The following VOPP1 variants were observed in gnomAD, a reference collection of about 807,000 sequenced individuals.
VOPP1 encodes WW domain binding protein VOPP1.
Under a neutral mutation model 23.5 loss-of-function variants are expected in VOPP1, and 8 were observed. The ratio of observed to expected loss-of-function variants is 0.34; its 90% CI spans 0.20 to 0.61. The LOEUF (loss-of-function observed/expected upper bound fraction) is 0.61, where lower values mean the gene tolerates loss of function less well. VOPP1 is among the 20% of genes least tolerant of loss of function. The probability of loss-of-function intolerance (pLI) is 0.78; values close to 1 mark genes in which losing one functional copy is unlikely to be tolerated. For synonymous variants in VOPP1, 83 were observed against 97.3 expected (o/e 0.85, Z 0.86); for missense variants, 174 against 238.1 (o/e 0.73, Z 1.77).
intron 4 of VOPP1, among the ~76,000 whole-genome samples, chr7:55,476,033 G>A (rs574658863): frequency 1.6e-4 from 24 of 152,310 alleles, no homozygotes; most frequent in Middle Eastern, 3.4e-3. Flanking sequence ...GGTGAAGTGG[G>A]GGAAGAAGTT....
chr7:55,477,931 G>A (rs916782286), intron 4 of VOPP1, among the ~76,000 whole-genome samples: 7 of 152,196 alleles, frequency 4.6e-5, no homozygotes, highest in African/African-American at 7.2e-5. Context: ...CAGCGCGGCC[G>A]CGGAAGCAGC....
At chr7:55,442,550 C>G (rs892593117) in intron 4 of VOPP1, among the ~76,000 whole-genome samples, 2 of 151,996 alleles carry the variant, frequency 1.3e-5, no homozygotes, top group Non-Finnish European at 2.9e-5. Flanking sequence ...TGCTTTGTAC[C>G]CCATCAGTTA....
At chr7:55,470,185 G>A (rs564646472), downstream of VOPP1, among the ~76,000 whole-genome samples, 7 of 152,268 alleles carry the variant, frequency 4.6e-5, no homozygotes, top group Non-Finnish European at 8.8e-5. Flanking sequence ...CCTGGGAAAC[G>A]CAGTGAGACC....
intron 1 of VOPP1, among the ~76,000 whole-genome samples, chr7:55,551,653 G>A (rs1237920935): frequency 6.6e-6 from 1 of 152,184 alleles, no homozygotes; most frequent in African/African-American, 2.4e-5. Flanking sequence ...ACACGGTCAG[G>A]GCTGAGGTGG....
chr7:55,486,561 G>T (rs930979258), intron 4 of VOPP1, among the ~76,000 whole-genome samples: 5 of 152,148 alleles, frequency 3.3e-5, no homozygotes, highest in East Asian at 1.9e-4. Context: ...ATTCCTGCTG[G>T]TGAGGAGGCC....
chr7:55,449,861 T>A (rs537691315), intron 4 of VOPP1, among the ~76,000 whole-genome samples: 2 of 152,140 alleles, frequency 1.3e-5, no homozygotes, highest in African/African-American at 4.8e-5. Flanking sequence ...CTTCTGGGCA[T>A]CAGGGATGTC....
intron 1 of VOPP1, among the ~76,000 whole-genome samples, chr7:55,543,859 T>C (rs191158219): frequency 2.4e-4 from 36 of 152,310 alleles, no homozygotes; most frequent in Admixed American, 1.2e-3. Context: ...ATTCTGTGGG[T>C]TGTCTTTTCA....
At chr7:55,449,599 G>A (rs962872028) in intron 4 of VOPP1, among the ~76,000 whole-genome samples, 1 of 152,240 alleles carries the variant, frequency 6.6e-6, no homozygotes, top group African/African-American at 2.4e-5. Context: ...CCTGAAGGCA[G>A]CTGAAGGTTG....
chr7:55,499,716 T>C (rs1794232203), intron 2 of VOPP1, among the ~76,000 whole-genome samples: 1 of 152,004 alleles, frequency 6.6e-6, no homozygotes. Flanking sequence ...AGTCTGCCAA[T>C]GAGGGAAGCT....
At chr7:55,534,607 TC>T (rs1249880028) in intron 1 of VOPP1, among the ~76,000 whole-genome samples, 2 of 152,194 alleles carry the variant, frequency 1.3e-5, no homozygotes, top group Non-Finnish European at 2.9e-5. Context: ...CAACAGCCAC[TC>T]CTCCCCACCC....
intron 4 of VOPP1, among the ~76,000 whole-genome samples, chr7:55,438,390 A>G (rs1432422058): frequency 1.3e-5 from 2 of 152,166 alleles, no homozygotes; most frequent in Non-Finnish European, 2.9e-5. Context: ...GACAGTACAC[A>G]TAAGTGTGTA....
chr7:55,468,332 G>A (rs1231460901), downstream of VOPP1, among the ~76,000 whole-genome samples: 1 of 151,664 alleles, frequency 6.6e-6, no homozygotes, highest in Admixed American at 6.6e-5. Context: ...CCCTGAGGAG[G>A]AGAGGAGAAC....
At chr7:55,493,553 A>G (rs1793732224) in intron 3 of VOPP1, among the ~76,000 whole-genome samples, 2 of 152,272 alleles carry the variant, frequency 1.3e-5, no homozygotes, top group African/African-American at 2.4e-5. Context: ...CAGAGGCACG[A>G]GACAGGAATG....
chr7:55,487,145 T>A (rs1793205110), intron 4 of VOPP1, among the ~76,000 whole-genome samples: 1 of 152,208 alleles, frequency 6.6e-6, no homozygotes, highest in Non-Finnish European at 1.5e-5. Flanking sequence ...GTAATTAAAC[T>A]GTCAAAACAC....
intron 1 of VOPP1, among the ~76,000 whole-genome samples, chr7:55,532,484 T>TA (rs1404619739): frequency 4.6e-5 from 7 of 152,354 alleles, no homozygotes; most frequent in African/African-American, 1.7e-4. Context: ...CATGGTCAAG[T>TA]AAAGCTCAAC....
intron 2 of VOPP1, among the ~76,000 whole-genome samples, chr7:55,512,014 T>G (rs1042156855): frequency 6.6e-6 from 1 of 152,186 alleles, no homozygotes; most frequent in East Asian, 1.9e-4. Flanking sequence ...CTCCTAAATA[T>G]AGACACTACC....
intron 2 of VOPP1, among the ~76,000 whole-genome samples, chr7:55,511,323 T>C (rs1194869574): frequency 2.6e-5 from 4 of 152,202 alleles, no homozygotes; most frequent in African/African-American, 9.6e-5. Context: ...GTATAAGCTT[T>C]GATTCAGCAA....
intron 2 of VOPP1, among the ~76,000 whole-genome samples, chr7:55,518,154 A>T (rs1360165518): frequency 6.6e-6 from 1 of 152,208 alleles, no homozygotes; most frequent in African/African-American, 2.4e-5. Flanking sequence ...CAAACCTGGC[A>T]GGTCAGAATT....
chr7:55,571,903 C>T (rs1798372229), intron 1 of VOPP1: 2 of 195,246 alleles, frequency 1.0e-5, no homozygotes, highest in Admixed American at 6.1e-5. Context: ...CGCCCGAGGA[C>T]CACCCCCGCC....
Sources: allele counts gnomAD v4.1 joint callset (sites outside exome capture counted in the v4.1 genomes callset), GRCh38; gene constraint gnomAD v4.1.1; transcripts MANE v1.5; gene names NCBI Gene and HGNC (gene_info 2026-07-23, HGNC 2026-07-21).